Variants in LRRC37A2 observed in about 807,000 individuals in gnomAD.
LRRC37A2 encodes leucine-rich repeat-containing protein 37A2.
In LRRC37A2, 9 loss-of-function variants were observed where a neutral mutation model predicts 68.8. The observed-to-expected ratio is 0.13, with a 90% CI of 0.08 to 0.23. The LOEUF is 0.23. Ranked by LOEUF, LRRC37A2 falls within the 10% of genes least tolerant of loss-of-function variation. The pLI, the probability that LRRC37A2 is intolerant of heterozygous loss-of-function variation, is 1.00. For synonymous variants in LRRC37A2, 63 were observed against 367.6 expected, an observed-to-expected ratio of 0.17 and a Z score of 9.48; for missense variants, 168 against 950.4, an observed-to-expected ratio of 0.18 and a Z score of 10.82.
the LRRC37A2 span, chr17:46,938,775 G>C: frequency 6.2e-7 from 1 of 1,613,790 alleles, no homozygotes; most frequent in Non-Finnish European, 8.5e-7. Context: ...GCCACGCTCA[G>C]TGGCTGAACA....
chr17:46,842,235 G>A, the LRRC37A2 span, among the ~76,000 whole-genome samples: 1 of 152,244 alleles, frequency 6.6e-6, no homozygotes, highest in Non-Finnish European at 1.5e-5. Context: ...GGTTGTGTGA[G>A]GAAGAGATGA....
At chr17:46,531,704 ATTC>A (rs1200858539) in intron 6 of LRRC37A2, among the ~76,000 whole-genome samples, 1 of 36,350 alleles carries the variant, frequency 2.8e-5, no homozygotes, top group Non-Finnish European at 4.5e-5. Context: ...AAAATGTCTT[ATTC>A]TTCTTTAAAA....
At chr17:46,878,712 G>A in the LRRC37A2 span, among the ~76,000 whole-genome samples, 65 of 152,280 alleles carry the variant, frequency 4.3e-4, no homozygotes, top group African/African-American at 9.4e-4. Flanking sequence ...TGGCAGAGCA[G>A]GGGGCCTGGG....
the LRRC37A2 span, chr17:46,755,953 T>A: frequency 1.2e-6 from 1 of 836,126 alleles, no homozygotes; most frequent in Non-Finnish European, 1.9e-6. Context: ...GTGCTCGCTC[T>A]GCATGATTAG....
the LRRC37A2 span, among the ~76,000 whole-genome samples, chr17:46,776,665 CACTGGAGGGGA>C: frequency 6.6e-6 from 1 of 152,252 alleles, no homozygotes; most frequent in Middle Eastern, 3.4e-3. Flanking sequence ...GCCCTGCAAT[CACTGGAGGGGA>C]AACTGAGGGA....
chr17:46,927,962 T>C, the LRRC37A2 span, among the ~76,000 whole-genome samples: 1 of 152,190 alleles, frequency 6.6e-6, no homozygotes, highest in Non-Finnish European at 1.5e-5. Context: ...CTTAGAGTCC[T>C]AATTCTCCTT....
At chr17:46,793,906 A>T in the LRRC37A2 span, among the ~76,000 whole-genome samples, 4 of 152,118 alleles carry the variant, frequency 2.6e-5, no homozygotes, top group East Asian at 3.8e-4. Context: ...TGCTATCGCT[A>T]TTTTGCCACT....
the LRRC37A2 span, among the ~76,000 whole-genome samples, chr17:46,900,172 T>TAC: frequency 2.5e-3 from 63 of 25,394 alleles, 1 homozygote; most frequent in South Asian, 0.047. Context: ...CATATACATA[T>TAC]ATATATATAT....
the LRRC37A2 span, among the ~76,000 whole-genome samples, chr17:46,795,214 A>C: frequency 6.6e-6 from 1 of 151,114 alleles, no homozygotes; most frequent in Non-Finnish European, 1.5e-5. Context: ...CCCCATAAAC[A>C]CCCTCTGGAA....
At chr17:46,860,142 T>C in the LRRC37A2 span, among the ~76,000 whole-genome samples, 1 of 152,182 alleles carries the variant, frequency 6.6e-6, no homozygotes, top group African/African-American at 2.4e-5. Flanking sequence ...GGCTGAGCTG[T>C]AACCCCTGAG....
chr17:46,460,903 G>C, the LRRC37A2 span, among the ~76,000 whole-genome samples: 2 of 67,258 alleles, frequency 3.0e-5, 1 homozygote, highest in Non-Finnish European at 6.3e-5. Flanking sequence ...AAGAGAAAAT[G>C]GTTTAGAACT....
chr17:46,979,475 C>G, the LRRC37A2 span, among the ~76,000 whole-genome samples: 37,212 of 152,206 alleles, frequency 0.24, 5,251 homozygotes, highest in South Asian at 0.36. Context: ...GCTGTCCGTT[C>G]TTGGCTAGAA....
the LRRC37A2 span, among the ~76,000 whole-genome samples, chr17:46,842,835 T>C: frequency 1.3e-5 from 2 of 152,200 alleles, no homozygotes; most frequent in African/African-American, 4.8e-5. Flanking sequence ...GTGCACCTCT[T>C]CTGAATCACA....
At chr17:46,479,547 G>A in the LRRC37A2 span, among the ~76,000 whole-genome samples, 51 of 102,834 alleles carry the variant, frequency 5.0e-4, 1 homozygote, top group African/African-American at 1.6e-3. Context: ...TTACTCTGTC[G>A]CCCAGGCTGG....
chr17:46,967,191 C>T, the LRRC37A2 span, among the ~76,000 whole-genome samples: 10 of 152,330 alleles, frequency 6.6e-5, no homozygotes, highest in African/African-American at 1.9e-4. Flanking sequence ...GCACTGTGGC[C>T]GTGTTACCTC....
chr17:46,947,953 A>G, the LRRC37A2 span, among the ~76,000 whole-genome samples: 67,903 of 151,998 alleles, frequency 0.45, 15,465 homozygotes, highest in East Asian at 0.55. Flanking sequence ...TGTTTTTACT[A>G]GAGACAGAGT....
At chr17:46,712,749 C>T in the LRRC37A2 span, among the ~76,000 whole-genome samples, 2 of 151,952 alleles carry the variant, frequency 1.3e-5, no homozygotes, top group Non-Finnish European at 2.9e-5. Context: ...GTCTCTGAAG[C>T]ATGTTAACAC....
the LRRC37A2 span, among the ~76,000 whole-genome samples, chr17:46,765,702 C>T: frequency 6.6e-6 from 1 of 152,240 alleles, no homozygotes; most frequent in Non-Finnish European, 1.5e-5. Context: ...AGGCGGCTCT[C>T]GCCTGGGGAG....
chr17:46,784,979 G>A, the LRRC37A2 span, among the ~76,000 whole-genome samples: 36 of 152,116 alleles, frequency 2.4e-4, no homozygotes, highest in South Asian at 6.2e-4. Context: ...GGGTTTCACT[G>A]TGTTAGCCAG....
Sources: gnomAD v4.1 joint callset for allele counts (sites outside exome capture counted in the v4.1 genomes callset) on GRCh38, gnomAD v4.1.1 for gene constraint, MANE v1.5 for transcripts, NCBI Gene and HGNC (gene_info 2026-07-23, HGNC 2026-07-21) for gene names.